The following SCN9A variants were observed in gnomAD, a reference collection of about 807,000 sequenced individuals.
The protein encoded by SCN9A is sodium voltage-gated channel alpha subunit 9.
A neutral mutation model predicts 187.0 loss-of-function variants in SCN9A; 131 were observed. The ratio of observed to expected loss-of-function variants is 0.70; its 90% confidence interval spans 0.61 to 0.81. SCN9A has a LOEUF of 0.81. Ranked by LOEUF, SCN9A falls within the 30% of genes least tolerant of loss-of-function variation. The pLI is 0.00. For missense variants in SCN9A, 2,252 were observed against 2,396.6 expected (o/e 0.94, Z 1.26); for synonymous variants, 809 against 808.6 (o/e 1.00, Z -0.01).
At chr2:166,258,642 A>G (rs916328776) in intron 17 of SCN9A, among the ~76,000 whole-genome samples, 2 of 151,628 alleles carry the variant, frequency 1.3e-5, no homozygotes, top group Non-Finnish European at 3.0e-5. Context: ...CTTTGACCCC[A>G]ACTTTCTAGA....
At chr2:166,364,613 G>A (rs1406817627) in intron 1 of SCN9A, among the ~76,000 whole-genome samples, 3 of 152,166 alleles carry the variant, frequency 2.0e-5, no homozygotes, top group Admixed American at 1.3e-4. Flanking sequence ...CCACTTACAT[G>A]AGGTACCTAG....
chr2:166,346,892 T>C (rs1347240250), intron 1 of SCN9A, among the ~76,000 whole-genome samples: 1 of 152,096 alleles, frequency 6.6e-6, no homozygotes, highest in African/African-American at 2.4e-5. Context: ...AAACAGACAT[T>C]TGCACAATAG....
At chr2:166,331,880 T>C (rs994849069) in intron 1 of SCN9A, among the ~76,000 whole-genome samples, 5 of 152,188 alleles carry the variant, frequency 3.3e-5, no homozygotes, top group African/African-American at 1.2e-4. Flanking sequence ...GAATGTCATA[T>C]GATATGACCT....
intron 17 of SCN9A, among the ~76,000 whole-genome samples, chr2:166,266,896 T>C (rs987962696): frequency 1.3e-5 from 2 of 152,020 alleles, no homozygotes; most frequent in African/African-American, 4.8e-5. Flanking sequence ...TTTTGCATGT[T>C]GATTTTGTGT....
rs187571010 is a variant in SCN9A at position 166,212,239 on chromosome 2, C to A, written c.4399-7775G>T. On this transcript the variant is annotated intron_variant, in intron 24 of 26. Coordinates refer to ENST00000642356, the MANE Select transcript of SCN9A (RefSeq NM_001365536.1). ...AGGACCTGTGGATAAAAAAATTTGA[C>A]CCTCTGTATCTGTGGATTTCACATT... Among the ~76,000 whole-genome samples, 9 of 152,220 alleles carry A rather than the reference C, an allele frequency of 5.9e-5. No homozygotes were observed. The East Asian group carries it at 1.4e-3, about 23-fold the overall frequency.
intron 26 of SCN9A, among the ~76,000 whole-genome samples, chr2:166,203,667 A>T (rs561722377): frequency 3.9e-5 from 6 of 152,060 alleles, no homozygotes; most frequent in Admixed American, 3.9e-4. Flanking sequence ...CTATATATAA[A>T]CATGGTAACT....
chr2:166,224,080 G>A (rs946539672), intron 24 of SCN9A, among the ~76,000 whole-genome samples: 4 of 152,138 alleles, frequency 2.6e-5, no homozygotes, highest in African/African-American at 9.7e-5. Context: ...CAGTAGAAAT[G>A]TTGTAAGAAT....
chr2:166,294,697 C>T (rs1258777998), intron 7 of SCN9A, 35 bp from the exon 8 acceptor site: 8 of 1,416,882 alleles, frequency 5.6e-6, no homozygotes, highest in Admixed American at 1.9e-5. Flanking sequence ...TATAACATCA[C>T]AGACTTTAAT....
At chr2:166,200,673 T>C (rs916450602) in intron 26 of SCN9A, among the ~76,000 whole-genome samples, 1 of 152,204 alleles carries the variant, frequency 6.6e-6, no homozygotes, top group Non-Finnish European at 1.5e-5. Flanking sequence ...TCTTGCTCTG[T>C]CGCCAAAGCT....
chr2:166,287,561 G>T (rs1697827440), intron 10 of SCN9A, among the ~76,000 whole-genome samples: 1 of 152,064 alleles, frequency 6.6e-6, no homozygotes, highest in Admixed American at 6.6e-5. Flanking sequence ...CATTGCAGAT[G>T]ATTGCCCTCC....
In SCN9A at chr2:166,204,279, C is replaced by G. The variant is rs16822862; in HGVS notation, c.4504-54G>C. 3.5e-3 allele frequency: 5,569 copies of G among 1,569,106 alleles called. 202 individuals carry two copies. In the African/African-American group the frequency reaches 0.065, roughly 18 times the overall value. ...GCAGAGTAAACTTTTCAAGTATTAT[C>G]CAGAAATTAAAGATGTGCATTAAAA... On this transcript the variant is annotated intron_variant, in intron 25 of 26. Transcript: ENST00000642356.
chr2:166,304,150 T>G, intron 6 of SCN9A, 88 bp downstream of exon 6: 1 of 1,612,582 alleles, frequency 6.2e-7, no homozygotes. Flanking sequence ...ATACACACAG[T>G]GACGACACAC....
intron 2 of SCN9A, among the ~76,000 whole-genome samples, chr2:166,309,031 A>T (rs1559032709): frequency 6.6e-6 from 1 of 151,954 alleles, no homozygotes; most frequent in Non-Finnish European, 1.5e-5. Flanking sequence ...TTTTGTATTC[A>T]AGGAACTTCC....
chr2:166,238,931 G>A (rs1460885178), intron 19 of SCN9A, among the ~76,000 whole-genome samples: 1 of 152,124 alleles, frequency 6.6e-6, no homozygotes, highest in African/African-American at 2.4e-5. Context: ...AGAAATTTTA[G>A]TAAGTGACAC....
At chr2:166,370,521 C>T (rs1700534771) in intron 1 of SCN9A, among the ~76,000 whole-genome samples, 2 of 147,702 alleles carry the variant, frequency 1.4e-5, no homozygotes, top group South Asian at 4.2e-4. Context: ...CCAGCCTGGG[C>T]GACAGAGCGA....
At chr2:166,327,261 C>T (rs978306948) in intron 1 of SCN9A, among the ~76,000 whole-genome samples, 12 of 152,028 alleles carry the variant, frequency 7.9e-5, no homozygotes, top group African/African-American at 2.2e-4. Flanking sequence ...TGCACTCAAG[C>T]GACCTCCCAC....
intron 1 of SCN9A, among the ~76,000 whole-genome samples, chr2:166,339,673 G>T (rs905006725): frequency 1.2e-4 from 18 of 152,122 alleles, no homozygotes; most frequent in Non-Finnish European, 2.2e-4. Flanking sequence ...CTGAACAAGT[G>T]CTTGCTCAAA....
intron 8 of SCN9A, among the ~76,000 whole-genome samples, chr2:166,294,159 T>A (rs1698198897): frequency 6.6e-6 from 1 of 152,164 alleles, no homozygotes; most frequent in African/African-American, 2.4e-5. Context: ...TGTACCCAAG[T>A]CCAAGGAATC....
At chr2:166,314,313 T>C (rs1699054361) in intron 1 of SCN9A, among the ~76,000 whole-genome samples, 1 of 152,266 alleles carries the variant, frequency 6.6e-6, no homozygotes, top group Admixed American at 6.5e-5. Context: ...AAATGAAGTA[T>C]GCCTGTATTT....
Sources: allele counts gnomAD v4.1 joint callset (sites outside exome capture counted in the v4.1 genomes callset), GRCh38; gene constraint gnomAD v4.1.1; transcripts MANE v1.5; gene names NCBI Gene and HGNC (gene_info 2026-07-23, HGNC 2026-07-21).